The following ADAMTS19 variants were observed in gnomAD, a reference collection of about 807,000 sequenced individuals.
ADAMTS19 encodes the protein ADAM metallopeptidase with thrombospondin type 1 motif 19.
Under a neutral mutation model 153.3 loss-of-function variants are expected in ADAMTS19, and 93 were observed. That is an observed-to-expected ratio of 0.61 (90% CI 0.51 to 0.72). ADAMTS19 has a LOEUF of 0.72. Among genes scored for constraint, ADAMTS19 ranks in the 30% least tolerant of loss-of-function variants. The pLI is 0.00. For missense variants in ADAMTS19, 1,482 were observed against 1,552.1 expected (o/e 0.95, Z 0.76); for synonymous variants, 600 against 556.6 (o/e 1.08, Z -1.10).
At chr5:129,701,311 A>G in intron 19 of ADAMTS19, 77 bp from the exon 20 acceptor site, 1 of 1,506,912 alleles carries the variant, frequency 6.6e-7, no homozygotes, top group Non-Finnish European at 9.1e-7. Context: ...TGTCTTTATT[A>G]GCAGTGTGAG....
At chr5:129,608,112 G>GTATA (rs1219945367) in intron 8 of ADAMTS19, among the ~76,000 whole-genome samples, 9 of 31,832 alleles carry the variant, frequency 2.8e-4, no homozygotes, top group Admixed American at 7.6e-4. Context: ...GTGTGTGTGT[G>GTATA]TGTGTATATA....
chr5:129,577,957 T>TA (rs1414018904), intron 7 of ADAMTS19, among the ~76,000 whole-genome samples: 1 of 151,372 alleles, frequency 6.6e-6, no homozygotes, highest in Non-Finnish European at 1.5e-5. Flanking sequence ...TCCTCTTTTT[T>TA]ACTTCCTTTT....
At chr5:129,596,370 G>T (rs894626556) in intron 7 of ADAMTS19, among the ~76,000 whole-genome samples, 189 bp from the exon 8 acceptor site, 2 of 151,984 alleles carry the variant, frequency 1.3e-5, no homozygotes, top group East Asian at 1.9e-4. Flanking sequence ...AAAATGATAT[G>T]AACATTTTTT....
At chr5:129,604,562 G>A (rs1452451344) in intron 8 of ADAMTS19, among the ~76,000 whole-genome samples, 1 of 152,094 alleles carries the variant, frequency 6.6e-6, no homozygotes, top group Non-Finnish European at 1.5e-5. Context: ...ATTTGACAGT[G>A]CATAAGAAAT....
intron 19 of ADAMTS19, among the ~76,000 whole-genome samples, chr5:129,696,118 C>A (rs1755540220): frequency 6.6e-6 from 1 of 152,108 alleles, no homozygotes; most frequent in Non-Finnish European, 1.5e-5. Context: ...CCTATTCACA[C>A]CCCCAAGGAA....
intron 10 of ADAMTS19, among the ~76,000 whole-genome samples, chr5:129,627,176 G>A (rs1430396561): frequency 6.6e-6 from 1 of 152,056 alleles, no homozygotes; most frequent in Non-Finnish European, 1.5e-5. Flanking sequence ...ACAATTGCAA[G>A]TGAGTTAGAA....
At chr5:129,684,305 A>G in intron 18 of ADAMTS19, 32 bp downstream of exon 18, 1 of 1,609,660 alleles carries the variant, frequency 6.2e-7, no homozygotes, top group East Asian at 2.2e-5. Flanking sequence ...ATCTTTCCAA[A>G]ACATCAGTTG....
chr5:129,524,886 A>G (rs1458388783), intron 3 of ADAMTS19, among the ~76,000 whole-genome samples: 2 of 152,044 alleles, frequency 1.3e-5, no homozygotes, highest in African/African-American at 4.8e-5. Flanking sequence ...ATTTCTTCCC[A>G]GGCTTTGATG....
intron 15 of ADAMTS19, among the ~76,000 whole-genome samples, chr5:129,659,073 G>T (rs1753716576): frequency 6.6e-6 from 1 of 152,124 alleles, no homozygotes; most frequent in African/African-American, 2.4e-5. Flanking sequence ...ATAATGATTT[G>T]TAACAGCCTA....
Position 129,737,342 on chromosome 5 carries a change from T to C in ADAMTS19, c.*124T>C, listed in dbSNP as rs1757713931. The C allele has an allele frequency of 2.8e-6, 3 of 1,089,262 alleles. No individual in the cohort carries two copies. Among genetic ancestry groups the C allele is most frequent in the Admixed American group, 7.7e-5 (2 of 25,998 alleles). The allele number at this position is 1,089,262 out of a possible 1,614,324, so 67.5% of individuals were successfully genotyped here. On this transcript the variant is annotated 3_prime_UTR_variant, in exon 23 of 23. Transcript: ENST00000274487. ...ATAATTTAATCAAATTAATTTATTT[T>C]TTTGCCTGCCAAACATCCAATGTGG...
intron 8 of ADAMTS19, among the ~76,000 whole-genome samples, chr5:129,605,241 T>C (rs373978022): frequency 1.7e-4 from 26 of 152,336 alleles, no homozygotes; most frequent in East Asian, 5.8e-4. Flanking sequence ...TTCCAAGAGC[T>C]TCCTGGTTCA....
chr5:129,507,881 T>C (rs1751316843), intron 2 of ADAMTS19, among the ~76,000 whole-genome samples: 1 of 152,000 alleles, frequency 6.6e-6, no homozygotes, highest in Non-Finnish European at 1.5e-5. Context: ...TTGATTAGGA[T>C]TTTAAGATTT....
At chr5:129,575,249 C>T (rs565103300) in intron 7 of ADAMTS19, among the ~76,000 whole-genome samples, 8 of 152,000 alleles carry the variant, frequency 5.3e-5, no homozygotes, top group Non-Finnish European at 1.2e-4. Context: ...TAAATGAATG[C>T]TGTCAGTGCT....
At chr5:129,685,258 AAGAG>A (rs1755029315) in intron 18 of ADAMTS19, among the ~76,000 whole-genome samples, 1 of 152,024 alleles carries the variant, frequency 6.6e-6, no homozygotes, top group Admixed American at 6.5e-5. Flanking sequence ...ATATTGAGTG[AAGAG>A]AGAGAGAAGC....
intron 2 of ADAMTS19, among the ~76,000 whole-genome samples, chr5:129,493,832 A>G (rs1254939866): frequency 6.6e-6 from 1 of 152,190 alleles, no homozygotes; most frequent in Non-Finnish European, 1.5e-5. Context: ...AAGTTCTACC[A>G]TTAGTTTAAA....
At chr5:129,665,867 G>C (rs1201861495) in intron 16 of ADAMTS19, among the ~76,000 whole-genome samples, 2 of 118,572 alleles carry the variant, frequency 1.7e-5, no homozygotes, top group Non-Finnish European at 3.3e-5. Context: ...AATGATTTGG[G>C]TATGATTTAT....
chr5:129,658,549 C>G, intron 14 of ADAMTS19, 68 bp from the exon 15 acceptor site: 1 of 1,532,342 alleles, frequency 6.5e-7, no homozygotes, highest in Non-Finnish European at 8.9e-7. Flanking sequence ...CTAGGTTTGT[C>G]CCAAATTAGT....
intron 6 of ADAMTS19, among the ~76,000 whole-genome samples, chr5:129,545,288 A>C (rs1752815614): frequency 6.6e-6 from 1 of 152,172 alleles, no homozygotes; most frequent in South Asian, 2.1e-4. Context: ...TCAATTTCTA[A>C]ATTGAAGAGC....
At chr5:129,685,153 A>G (rs1400205796) in intron 18 of ADAMTS19, among the ~76,000 whole-genome samples, 1 of 152,092 alleles carries the variant, frequency 6.6e-6, no homozygotes, top group East Asian at 1.9e-4. Context: ...TAAAGAATAT[A>G]TGGATATTTT....
Sources: gnomAD v4.1 joint callset for allele counts (sites outside exome capture counted in the v4.1 genomes callset) on GRCh38, gnomAD v4.1.1 for gene constraint, MANE v1.5 for transcripts, NCBI Gene and HGNC (gene_info 2026-07-23, HGNC 2026-07-21) for gene names.